The following MDGA2 variants were observed in gnomAD, a reference collection of about 807,000 sequenced individuals.
The protein encoded by MDGA2 is MAM domain-containing glycosylphosphatidylinositol anchor protein 2.
Under a neutral mutation model 117.8 loss-of-function variants are expected in MDGA2, and 40 were observed. The ratio of observed to expected loss-of-function variants is 0.34; its 90% CI spans 0.26 to 0.44. MDGA2 has a LOEUF of 0.44. Ranked by LOEUF, MDGA2 falls within the 20% of genes least tolerant of loss-of-function variation. The probability of loss-of-function intolerance (pLI) is 1.00; values close to 1 mark genes in which losing one functional copy is unlikely to be tolerated. For missense variants in MDGA2, 1,123 were observed against 1,250.6 expected, an observed-to-expected ratio of 0.90 and a Z score of 1.54; for synonymous variants, 452 against 439.0, an observed-to-expected ratio of 1.03 and a Z score of -0.37.
chr14:47,339,924 T>C (rs554667673), intron 1 of MDGA2, among the ~76,000 whole-genome samples: 1 of 152,296 alleles, frequency 6.6e-6, no homozygotes, highest in South Asian at 2.1e-4. Flanking sequence ...CACAGGTGTT[T>C]TCCCTAGTAA....
chr14:47,371,363 A>G lies in MDGA2; in HGVS notation c.281-69813T>C, dbSNP rs553142469. ...AAAGTCTCAAATACAGACTCAAGTT[A>G]TTTGGAAGTATCAATCTCTTTTAGT... is the stretch of plus-strand genomic sequence containing the variant. On this transcript the variant is annotated intron_variant, in intron 1 of 16. Coordinates refer to ENST00000399232, the MANE Select transcript of MDGA2 (RefSeq NM_001113498.3). 6.1e-4 allele frequency among the ~76,000 whole-genome samples: 93 copies of G among 151,982 alleles called. 1 individual carries two copies. The highest frequency in any genetic ancestry group is 2.1e-3 in the African/African-American group (88 of 41,584).
At chr14:47,102,412 C>T (rs753143879) in intron 5 of MDGA2, among the ~76,000 whole-genome samples, 4 of 150,574 alleles carry the variant, frequency 2.7e-5, no homozygotes, top group Non-Finnish European at 4.4e-5. Context: ...CACACACACA[C>T]AAACTAACTA....
At chr14:47,176,296 A>T (rs1453050952) in intron 3 of MDGA2, among the ~76,000 whole-genome samples, 1 of 152,204 alleles carries the variant, frequency 6.6e-6, no homozygotes, top group South Asian at 2.1e-4. Context: ...AATGAAAAAA[A>T]CTACTTTAAA....
At chr14:46,930,983 G>A (rs921986921) in intron 9 of MDGA2, among the ~76,000 whole-genome samples, 3 of 152,038 alleles carry the variant, frequency 2.0e-5, no homozygotes, top group African/African-American at 7.2e-5. Flanking sequence ...TTGGGAGGCC[G>A]AGGCGGGCGG....
At chr14:47,418,067 T>C (rs919558567) in intron 1 of MDGA2, among the ~76,000 whole-genome samples, 3 of 151,852 alleles carry the variant, frequency 2.0e-5, no homozygotes, top group Non-Finnish European at 4.4e-5. Context: ...TTAGGGTACT[T>C]TTTAATTTTT....
intron 2 of MDGA2, among the ~76,000 whole-genome samples, chr14:47,231,899 T>A (rs995592458): frequency 6.6e-6 from 1 of 152,040 alleles, no homozygotes; most frequent in Non-Finnish European, 1.5e-5. Context: ...TCCAGACATA[T>A]GTCTTGAGTA....
chr14:46,873,969 A>G (rs925818665), intron 13 of MDGA2, 76 bp downstream of exon 13: 2 of 1,162,130 alleles, frequency 1.7e-6, no homozygotes, highest in Non-Finnish European at 2.4e-6. Context: ...ATATGGCTAA[A>G]TATTAGTATT....
At chr14:47,082,301 C>T (rs181677419) in intron 6 of MDGA2, among the ~76,000 whole-genome samples, 1 of 145,378 alleles carries the variant, frequency 6.9e-6, no homozygotes, top group Non-Finnish European at 1.5e-5. Flanking sequence ...GTTCAGGCAA[C>T]CTGAACTTGA....
intron 1 of MDGA2, among the ~76,000 whole-genome samples, chr14:47,626,777 G>A (rs944439538): frequency 6.6e-6 from 1 of 152,180 alleles, no homozygotes; most frequent in African/African-American, 2.4e-5. Context: ...CCTGCAGCCC[G>A]CCATGCCTGA....
intron 10 of MDGA2, among the ~76,000 whole-genome samples, chr14:46,882,623 A>G (rs943045433): frequency 6.6e-6 from 1 of 151,730 alleles, no homozygotes; most frequent in East Asian, 1.9e-4. Context: ...AACTGTTCCC[A>G]TATATTATGG....
chr14:47,625,243 T>G (rs2138936683), intron 1 of MDGA2, among the ~76,000 whole-genome samples: 2 of 152,224 alleles, frequency 1.3e-5, no homozygotes, highest in East Asian at 1.9e-4. Flanking sequence ...TTGGTCAAAC[T>G]TCTTAGATCT....
intron 1 of MDGA2, among the ~76,000 whole-genome samples, chr14:47,373,222 A>T (rs2138397204): frequency 6.6e-6 from 1 of 152,178 alleles, no homozygotes; most frequent in African/African-American, 2.4e-5. Flanking sequence ...AGCAACACTA[A>T]TTCATTCAAT....
intron 1 of MDGA2, among the ~76,000 whole-genome samples, chr14:47,558,514 C>A (rs796989310): frequency 6.6e-6 from 1 of 152,166 alleles, no homozygotes; most frequent in Non-Finnish European, 1.5e-5. Flanking sequence ...AAGTAAACAT[C>A]TCTGGATTTC....
chr14:46,927,629 G>T (rs1884382110), intron 9 of MDGA2, among the ~76,000 whole-genome samples: 1 of 152,126 alleles, frequency 6.6e-6, no homozygotes, highest in Admixed American at 6.6e-5. Flanking sequence ...TTTTTAAAAT[G>T]AATGCAAGAT....
At chr14:47,423,958 G>A (rs1056873433) in intron 1 of MDGA2, among the ~76,000 whole-genome samples, 7 of 152,092 alleles carry the variant, frequency 4.6e-5, no homozygotes, top group African/African-American at 1.4e-4. Flanking sequence ...AATTACAGGC[G>A]TGAGCCACCA....
In MDGA2 at chr14:47,561,096, C is replaced by T. The variant is rs531668282; in HGVS notation, c.280+113421G>A. ...GCCACGCTATTTTGGTTACTTTGGC[C>T]CTATAGTATAGTTTGAAATAGGCTA... On this transcript the variant is annotated intron_variant, in intron 1 of 16. Transcript: ENST00000399232. 2.6e-3 allele frequency among the ~76,000 whole-genome samples: 389 copies of T among 148,054 alleles called. 3 individuals carry two copies. The highest frequency in any genetic ancestry group is 9.3e-3 in the African/African-American group (378 of 40,528).
intron 1 of MDGA2, among the ~76,000 whole-genome samples, chr14:47,609,300 G>T (rs1326664324): frequency 6.7e-6 from 1 of 150,162 alleles, no homozygotes; most frequent in Non-Finnish European, 1.5e-5. Context: ...AAACATATCT[G>T]TGAGAACATA....
intron 2 of MDGA2, among the ~76,000 whole-genome samples, chr14:47,243,539 C>G (rs1462691444): frequency 6.6e-6 from 1 of 151,436 alleles, no homozygotes; most frequent in South Asian, 2.1e-4. Flanking sequence ...CACTCCTGAG[C>G]CCAGCGAGAC....
At chr14:47,078,186 T>G (rs1327121281) in intron 6 of MDGA2, among the ~76,000 whole-genome samples, 4 of 152,098 alleles carry the variant, frequency 2.6e-5, no homozygotes. Context: ...GTATGATATT[T>G]TAGAGTAGAG....
Sources: allele counts gnomAD v4.1 joint callset (sites outside exome capture counted in the v4.1 genomes callset), GRCh38; gene constraint gnomAD v4.1.1; transcripts MANE v1.5; gene names NCBI Gene and HGNC (gene_info 2026-07-23, HGNC 2026-07-21).